DNAH6: variants seen among roughly 807,000 people sequenced by gnomAD.
The protein encoded by DNAH6 is axonemal beta dynein heavy chain 6.
In DNAH6, 340 loss-of-function variants were observed where a neutral mutation model predicts 491.4. The observed-to-expected ratio is 0.69, with a 90% confidence interval of 0.63 to 0.76. The LOEUF is 0.76. Ranked by LOEUF, DNAH6 falls within the 30% of genes least tolerant of loss-of-function variation. DNAH6 has a pLI of 0.00. For synonymous variants in DNAH6, 1,603 were observed against 1,686.1 expected, an observed-to-expected ratio of 0.95 and a Z score of 1.21; for missense variants, 4,443 against 4,972.2, an observed-to-expected ratio of 0.89 and a Z score of 3.20.
At chr2:84,551,316 T>C (rs923093367) in intron 9 of DNAH6, among the ~76,000 whole-genome samples, 1 of 152,198 alleles carries the variant, frequency 6.6e-6, no homozygotes, top group African/African-American at 2.4e-5. Flanking sequence ...AAGTAATTTA[T>C]GCTAAGTGTA....
At chr2:84,649,120 TG>T (rs1690174573) in intron 33 of DNAH6, among the ~76,000 whole-genome samples, 1 of 152,236 alleles carries the variant, frequency 6.6e-6, no homozygotes, top group African/African-American at 2.4e-5. Flanking sequence ...AATAAAGGTA[TG>T]TACATTTTTT....
chr2:84,760,402 A>G (rs1418336842), intron 63 of DNAH6, among the ~76,000 whole-genome samples: 1 of 152,214 alleles, frequency 6.6e-6, no homozygotes, highest in Non-Finnish European at 1.5e-5. Flanking sequence ...ATACTTGCAA[A>G]CTATGCATCT....
chr2:84,464,483 G>T, the DNAH6 span, among the ~76,000 whole-genome samples: 1 of 152,172 alleles, frequency 6.6e-6, no homozygotes, highest in Non-Finnish European at 1.5e-5. Context: ...TTCAGGGCAA[G>T]TCCACAGGGC....
intron 63 of DNAH6, among the ~76,000 whole-genome samples, chr2:84,757,746 C>A (rs1674185017): frequency 6.6e-6 from 1 of 152,178 alleles, no homozygotes; most frequent in African/African-American, 2.4e-5. Context: ...TTGTGAGATA[C>A]AACCCTTGGG....
intron 70 of DNAH6, among the ~76,000 whole-genome samples, chr2:84,799,451 C>T (rs1399992493): frequency 6.6e-6 from 1 of 152,230 alleles, no homozygotes; most frequent in East Asian, 1.9e-4. Context: ...TGGAGGGAGA[C>T]CCACCAGGTC....
rs190278039 is a variant in DNAH6 at position 84,578,178 on chromosome 2, A to C, written c.2076+770A>C. 3.4e-3 allele frequency among the ~76,000 whole-genome samples: 524 copies of C among 152,324 alleles called. 1 individual carries two copies. The highest frequency in any genetic ancestry group is 0.011 in the African/African-American group (476 of 41,588). ...ATAGAAGATAGAGCACTGTATAAAAAAGAGTGCAGACCTGAGTGCTAGTAT... is the reference window on the plus strand; with the variant it reads ...ATAGAAGATAGAGCACTGTATAAAACAGAGTGCAGACCTGAGTGCTAGTAT... On this transcript the variant is annotated intron_variant, in intron 13 of 76. Transcript: ENST00000389394.
intron 31 of DNAH6, among the ~76,000 whole-genome samples, chr2:84,638,697 T>C (rs533695630): frequency 1.3e-5 from 2 of 152,336 alleles, no homozygotes; most frequent in Admixed American, 1.3e-4. Context: ...TAGGTCTTTC[T>C]TGCATTGCCA....
rs1163666149 is a variant in DNAH6, at chr2:84,525,673, A to G, written c.334A>G (p.Lys112Glu). Residue 112 changes from lysine (K) to glutamate (E), a missense_variant, in exon 3 of 77, where the codon AAA becomes GAA. Physicochemically the swap from Lys to Glu is moderately conservative, Grantham distance 56. Around this residue, in one of 3 missense-constraint regions of DNAH6, gnomAD observed 2,977 missense variants for 3,296.6 expected, o/e 0.90. Coordinates refer to ENST00000389394, the MANE Select transcript of DNAH6 (RefSeq NM_001370.2). ...GIIKRPVSIA[K>E]KSFATSSTQF... ...CATTAAACGTCCAGTAAGCATAGCAAAAAAAAGTTTTGCCACATCATCTAC... is the reference window on the plus strand; with the variant it reads ...CATTAAACGTCCAGTAAGCATAGCAGAAAAAAGTTTTGCCACATCATCTAC... 24 of 1,550,414 alleles carry G rather than the reference A, an allele frequency of 1.5e-5. No individual in the cohort carries two copies. Among genetic ancestry groups the G allele is most frequent in the African/African-American group, 5.5e-5 (4 of 72,966 alleles).
At chr2:84,800,416 A>G (rs1678777569) in intron 70 of DNAH6, among the ~76,000 whole-genome samples, 1 of 152,226 alleles carries the variant, frequency 6.6e-6, no homozygotes, top group Admixed American at 6.5e-5. Context: ...TCAGATTGAA[A>G]TGTCTGAAAT....
the DNAH6 span, among the ~76,000 whole-genome samples, chr2:84,474,556 A>T: frequency 1.3e-5 from 2 of 152,106 alleles, no homozygotes; most frequent in Non-Finnish European, 1.5e-5. Context: ...CATATTTCTC[A>T]TCATTTGTCT....
At chr2:84,480,331 C>T in the DNAH6 span, among the ~76,000 whole-genome samples, 1 of 152,074 alleles carries the variant, frequency 6.6e-6, no homozygotes, top group Non-Finnish European at 1.5e-5. Flanking sequence ...GACTTATAGA[C>T]TTTTATTCTG....
At chr2:84,688,846 G>A (rs1694562554) in intron 45 of DNAH6, among the ~76,000 whole-genome samples, 1 of 152,108 alleles carries the variant, frequency 6.6e-6, no homozygotes, top group African/African-American at 2.4e-5. Context: ...TATCTGTTCT[G>A]TCTTGTTACA....
intron 56 of DNAH6, 38 bp downstream of exon 56, chr2:84,710,450 A>G (rs2104871665): frequency 1.1e-5 from 17 of 1,546,972 alleles, no homozygotes; most frequent in Non-Finnish European, 1.4e-5. Context: ...TCAGTTCCCA[A>G]CTTTCAAATC....
intron 76 of DNAH6, 25 bp downstream of exon 76, chr2:84,816,108 C>A: frequency 6.7e-7 from 1 of 1,501,236 alleles, no homozygotes; most frequent in South Asian, 1.2e-5. Context: ...AAGATTAGTT[C>A]AAATAATGAC....
intron 42 of DNAH6, 79 bp from the exon 43 acceptor site, chr2:84,685,247 G>T: frequency 1.9e-6 from 2 of 1,072,972 alleles, no homozygotes; most frequent in Non-Finnish European, 2.5e-6. Flanking sequence ...TGTACTTAAG[G>T]GTTTCCTAAT....
chr2:84,497,030 A>C, the DNAH6 span, among the ~76,000 whole-genome samples: 2 of 147,838 alleles, frequency 1.4e-5, no homozygotes, highest in South Asian at 4.2e-4. Flanking sequence ...GAGTGCAGTG[A>C]CACGATCTTG....
intron 70 of DNAH6, among the ~76,000 whole-genome samples, chr2:84,804,530 G>A (rs962219004): frequency 6.6e-6 from 1 of 151,720 alleles, no homozygotes; most frequent in African/African-American, 2.4e-5. Flanking sequence ...AATTATATCT[G>A]GAAAGTAAGT....
chr2:84,812,268 G>A (rs1227631502), intron 72 of DNAH6, 73 bp from the exon 73 acceptor site: 3 of 1,400,568 alleles, frequency 2.1e-6, no homozygotes, highest in East Asian at 2.5e-5. Context: ...AGCCCCTGCT[G>A]TCATTAATGT....
At chr2:84,779,125 G>A (rs2105213548) in intron 64 of DNAH6, among the ~76,000 whole-genome samples, 1 of 152,292 alleles carries the variant, frequency 6.6e-6, no homozygotes, top group East Asian at 1.9e-4. Context: ...TGGTTGATGG[G>A]TGGAGTATTC....
Sources: gnomAD v4.1 joint callset for allele counts (sites outside exome capture counted in the v4.1 genomes callset) on GRCh38, gnomAD v4.1.1 for gene constraint, gnomAD v4.1.1 regional missense constraint, MANE v1.5 for transcripts, NCBI Gene and HGNC (gene_info 2026-07-23, HGNC 2026-07-21) for gene names.